Variants in CSMD1 observed in about 807,000 individuals in gnomAD.
CSMD1 encodes the protein CUB and sushi domain-containing protein 1.
Under a neutral mutation model 417.5 loss-of-function variants are expected in CSMD1, and 213 were observed. The observed-to-expected ratio is 0.51, with a 90% CI of 0.46 to 0.57. CSMD1 has a LOEUF of 0.57. Ranked by LOEUF, CSMD1 falls within the 20% of genes least tolerant of loss-of-function variation. The pLI, the probability that CSMD1 is intolerant of heterozygous loss-of-function variation, is 0.00. For synonymous variants in CSMD1, 2,862 were observed against 1,736.8 expected (o/e 1.65, Z -16.11); for missense variants, 6,923 against 4,529.7 (o/e 1.53, Z -15.17).
intron 10 of CSMD1, among the ~76,000 whole-genome samples, chr8:3,501,011 C>A (rs1212255666): frequency 3.3e-5 from 5 of 151,868 alleles, no homozygotes; most frequent in African/African-American, 1.2e-4. Context: ...TACTTTGATT[C>A]AAATAATATG....
chr8:4,065,787 T>C (rs1263870229), intron 3 of CSMD1, among the ~76,000 whole-genome samples: 3 of 152,314 alleles, frequency 2.0e-5, no homozygotes, highest in South Asian at 2.1e-4. Context: ...CAAATAAGAA[T>C]TCCAGAAAAT....
chr8:4,246,609 C>A (rs927905206), intron 3 of CSMD1, among the ~76,000 whole-genome samples: 1 of 152,122 alleles, frequency 6.6e-6, no homozygotes, highest in African/African-American at 2.4e-5. Context: ...TATGATGGGT[C>A]TAGCTTTGTT....
At chr8:3,495,405 T>C (rs370449505) in intron 10 of CSMD1, among the ~76,000 whole-genome samples, 1 of 152,226 alleles carries the variant, frequency 6.6e-6, no homozygotes, top group Middle Eastern at 3.4e-3. Flanking sequence ...TTGCAATGTG[T>C]ACAGATAGGG....
intron 3 of CSMD1, among the ~76,000 whole-genome samples, chr8:4,137,505 T>C (rs1803509992): frequency 7.6e-6 from 1 of 132,142 alleles, no homozygotes; most frequent in Admixed American, 7.8e-5. Context: ...GTTTTTCCTT[T>C]TAAAAATATT....
chr8:4,250,489 G>T (rs1167087406), intron 3 of CSMD1, among the ~76,000 whole-genome samples: 1 of 152,084 alleles, frequency 6.6e-6, no homozygotes, highest in Non-Finnish European at 1.5e-5. Flanking sequence ...TATTCTGAGT[G>T]GTGTAATGAC....
chr8:3,748,222 G>A (rs1219304465), intron 6 of CSMD1, among the ~76,000 whole-genome samples: 3 of 152,160 alleles, frequency 2.0e-5, no homozygotes, highest in African/African-American at 7.2e-5. Context: ...ACGTGTTTCT[G>A]ATTTGAATGA....
chr8:3,642,051 C>T lies in CSMD1; in HGVS notation c.1010-25254G>A, dbSNP rs74946498. Among the ~76,000 whole-genome samples the T allele has an allele frequency of 3.4e-4, 52 of 152,226 alleles. 1 individual carries two copies. In the East Asian group the frequency reaches 5.6e-3, roughly 16 times the overall value. On this transcript the variant is annotated intron_variant, in intron 7 of 69. Transcript: ENST00000635120. ...ATCTGCAAACCTTGATCACCTGGAACTTCTACTTCGATGGATACACTGAGG... is the reference window on the plus strand; with the variant it reads ...ATCTGCAAACCTTGATCACCTGGAATTTCTACTTCGATGGATACACTGAGG...
At chr8:3,782,617 C>T (rs560660848) in intron 5 of CSMD1, among the ~76,000 whole-genome samples, 1 of 152,160 alleles carries the variant, frequency 6.6e-6, no homozygotes, top group African/African-American at 2.4e-5. Flanking sequence ...GCACGTTGTG[C>T]ACATGTACCC....
intron 1 of CSMD1, among the ~76,000 whole-genome samples, chr8:4,699,518 A>C (rs1453719463): frequency 6.6e-6 from 1 of 152,166 alleles, no homozygotes; most frequent in Non-Finnish European, 1.5e-5. Context: ...TCGAACACTC[A>C]GCTTATGTTC....
At chr8:3,052,266 G>C (rs1286659543) in intron 50 of CSMD1, among the ~76,000 whole-genome samples, 196 bp downstream of exon 50, 2 of 152,170 alleles carry the variant, frequency 1.3e-5, no homozygotes, top group Non-Finnish European at 2.9e-5. Context: ...TAACATTCAA[G>C]AGTGCATAGC....
intron 41 of CSMD1, among the ~76,000 whole-genome samples, chr8:3,141,944 C>A (rs1327251076): frequency 6.6e-6 from 1 of 151,966 alleles, no homozygotes; most frequent in South Asian, 2.1e-4. Context: ...ACTACAGGCG[C>A]CCGCCACTAT....
intron 3 of CSMD1, among the ~76,000 whole-genome samples, chr8:4,410,135 G>A (rs1374784097): frequency 6.6e-6 from 1 of 152,112 alleles, no homozygotes; most frequent in Non-Finnish European, 1.5e-5. Flanking sequence ...AATCTTTGAA[G>A]CCATCTTCTA....
intron 5 of CSMD1, among the ~76,000 whole-genome samples, chr8:3,876,507 G>A (rs1585126579): frequency 6.6e-6 from 1 of 152,064 alleles, no homozygotes; most frequent in Non-Finnish European, 1.5e-5. Context: ...GTGTAAGTGT[G>A]GATGTAATTT....
At chr8:4,380,379 T>C (rs776146392) in intron 3 of CSMD1, among the ~76,000 whole-genome samples, 2 of 152,184 alleles carry the variant, frequency 1.3e-5, no homozygotes, top group African/African-American at 2.4e-5. Context: ...CAAAAATCTA[T>C]AGCTCCAGTC....
intron 2 of CSMD1, among the ~76,000 whole-genome samples, chr8:4,498,801 C>G (rs1232843466): frequency 2.0e-5 from 3 of 152,066 alleles, no homozygotes; most frequent in African/African-American, 7.2e-5. Context: ...AGAGTTATTA[C>G]CGAGATTCCC....
chr8:3,136,422 G>A (rs116397274), intron 41 of CSMD1, among the ~76,000 whole-genome samples: 2 of 151,846 alleles, frequency 1.3e-5, no homozygotes, highest in African/African-American at 4.8e-5. Context: ...TCCCCACCAT[G>A]CCCAGCTAGT....
intron 3 of CSMD1, among the ~76,000 whole-genome samples, chr8:4,101,999 G>T (rs759517295): frequency 7.2e-5 from 11 of 152,182 alleles, no homozygotes; most frequent in African/African-American, 2.4e-4. Flanking sequence ...TGGGGACCCG[G>T]CAATAGCTGA....
At chr8:3,383,378 G>A (rs527577982) in intron 18 of CSMD1, among the ~76,000 whole-genome samples, 5 of 150,894 alleles carry the variant, frequency 3.3e-5, no homozygotes, top group African/African-American at 4.9e-5. Flanking sequence ...TCCACACTAG[G>A]AAAACCTCAT....
intron 3 of CSMD1, among the ~76,000 whole-genome samples, chr8:4,181,498 T>TA (rs796405134): frequency 1.1e-4 from 17 of 152,258 alleles, no homozygotes; most frequent in African/African-American, 2.6e-4. Flanking sequence ...TGATGAGCTT[T>TA]AAAAAAATCA....
Sources: allele counts gnomAD v4.1 joint callset (sites outside exome capture counted in the v4.1 genomes callset), GRCh38; gene constraint gnomAD v4.1.1; transcripts MANE v1.5; gene names NCBI Gene and HGNC (gene_info 2026-07-23, HGNC 2026-07-21).